PARM1: variants seen among roughly 807,000 people sequenced by gnomAD.
The protein encoded by PARM1 is prostate androgen-regulated mucin-like protein 1, also known as WSC4, cell wall integrity and stress response component 4 homolog.
A neutral mutation model predicts 24.6 loss-of-function variants in PARM1; 14 were observed. The observed-to-expected ratio is 0.57, with a 90% confidence interval of 0.38 to 0.89. The LOEUF is 0.89. Ranked by LOEUF, PARM1 falls within the 40% of genes least tolerant of loss-of-function variation. PARM1 has a pLI of 0.00. For synonymous variants in PARM1, 179 were observed against 156.6 expected, an observed-to-expected ratio of 1.14 and a Z score of -1.07; for missense variants, 362 against 380.4, an observed-to-expected ratio of 0.95 and a Z score of 0.40.
At chr4:74,987,041 T>A (rs1459014586) in intron 1 of PARM1, among the ~76,000 whole-genome samples, 2 of 152,236 alleles carry the variant, frequency 1.3e-5, no homozygotes, top group Non-Finnish European at 2.9e-5. Flanking sequence ...TTAATTGAAA[T>A]AGGACCTAAT....
intron 2 of PARM1, among the ~76,000 whole-genome samples, chr4:75,032,088 T>C (rs748082867): frequency 2.2e-4 from 34 of 152,282 alleles, no homozygotes; most frequent in Admixed American, 9.2e-4. Context: ...GTCTTTACAA[T>C]AGTAAAAAGG....
intron 1 of PARM1, among the ~76,000 whole-genome samples, chr4:74,981,019 G>T (rs538556047): frequency 2.0e-5 from 3 of 152,110 alleles, no homozygotes; most frequent in Non-Finnish European, 2.9e-5. Context: ...TTAGAAGAAA[G>T]TCTAGGCAAT....
At chr4:74,990,758 T>G (rs1396674514) in intron 1 of PARM1, among the ~76,000 whole-genome samples, 3 of 152,130 alleles carry the variant, frequency 2.0e-5, no homozygotes, top group Non-Finnish European at 2.9e-5. Context: ...GGCAAAATTT[T>G]TCACTTGAGT....
intron 1 of PARM1, among the ~76,000 whole-genome samples, chr4:74,961,493 C>A (rs1307825777): frequency 2.0e-5 from 3 of 151,960 alleles, no homozygotes; most frequent in Non-Finnish European, 4.4e-5. Flanking sequence ...TCAAAGAGAC[C>A]CACACCAAAG....
intron 1 of PARM1, among the ~76,000 whole-genome samples, chr4:74,958,692 G>T (rs1429231102): frequency 1.3e-5 from 2 of 152,134 alleles, no homozygotes; most frequent in Non-Finnish European, 2.9e-5. Flanking sequence ...CCCTAGCACT[G>T]CCATTTCTAG....
intron 1 of PARM1, among the ~76,000 whole-genome samples, chr4:74,946,911 T>A (rs888646157): frequency 2.6e-5 from 4 of 152,236 alleles, no homozygotes; most frequent in Non-Finnish European, 4.4e-5. Flanking sequence ...TCAAGTTTTT[T>A]AATTGATTTA....
chr4:75,017,717 T>C (rs1484915360), intron 2 of PARM1, among the ~76,000 whole-genome samples: 3 of 152,220 alleles, frequency 2.0e-5, no homozygotes, highest in African/African-American at 7.2e-5. Context: ...AGGACCTTGT[T>C]TGCAAATAGG....
At chr4:74,938,185 T>A (rs1476547017) in intron 1 of PARM1, among the ~76,000 whole-genome samples, 2 of 152,210 alleles carry the variant, frequency 1.3e-5, no homozygotes, top group Non-Finnish European at 2.9e-5. Context: ...TGTGCTTGTG[T>A]TTTCATGAGA....
At chr4:74,971,567 TAAC>T (rs745718594) in intron 1 of PARM1, among the ~76,000 whole-genome samples, 4 of 152,214 alleles carry the variant, frequency 2.6e-5, no homozygotes, top group African/African-American at 9.6e-5. Flanking sequence ...CTACATAAAA[TAAC>T]AAGTGTCTGA....
At chr4:74,978,503 A>G (rs965098006) in intron 1 of PARM1, among the ~76,000 whole-genome samples, 4 of 152,206 alleles carry the variant, frequency 2.6e-5, no homozygotes, top group Admixed American at 2.6e-4. Flanking sequence ...ACTCCCACAC[A>G]TAATAGTGGG....
At chr4:74,980,750 A>G (rs1264817770) in intron 1 of PARM1, among the ~76,000 whole-genome samples, 1 of 152,180 alleles carries the variant, frequency 6.6e-6, no homozygotes, top group East Asian at 1.9e-4. Flanking sequence ...TGGTACCAAA[A>G]CAGTACTGGT....
chr4:74,967,552 C>A (rs1721930378), intron 1 of PARM1: 1 of 152,210 alleles, frequency 6.6e-6, no homozygotes, highest in Admixed American at 6.5e-5. Flanking sequence ...TATAGTGGCA[C>A]ATCGGCTGGG....
At chr4:74,974,741 G>C (rs1051381705) in intron 1 of PARM1, among the ~76,000 whole-genome samples, 1 of 152,110 alleles carries the variant, frequency 6.6e-6, no homozygotes, top group African/African-American at 2.4e-5. Flanking sequence ...TCAATGTGAT[G>C]GTATTTGGAG....
chr4:74,958,573 C>G (rs1406540029), intron 1 of PARM1, among the ~76,000 whole-genome samples: 2 of 152,094 alleles, frequency 1.3e-5, no homozygotes, highest in Non-Finnish European at 2.9e-5. Context: ...ACAAGAAAGA[C>G]CGTGAGGAAT....
At chr4:74,941,410 G>A (rs1350879828) in intron 1 of PARM1, among the ~76,000 whole-genome samples, 6 of 152,166 alleles carry the variant, frequency 3.9e-5, no homozygotes, top group Non-Finnish European at 1.5e-5. Context: ...AATTACGGAG[G>A]AGAAGCTGGG....
intron 1 of PARM1, among the ~76,000 whole-genome samples, chr4:74,941,060 C>T (rs551789901): frequency 1.3e-5 from 2 of 152,334 alleles, no homozygotes; most frequent in African/African-American, 4.8e-5. Context: ...TGGTAGATCA[C>T]ACACTCTACT....
intron 3 of PARM1, among the ~76,000 whole-genome samples, chr4:75,041,078 T>C (rs1322339114): frequency 1.3e-5 from 2 of 152,226 alleles, no homozygotes; most frequent in African/African-American, 4.8e-5. Flanking sequence ...TTATTTACTG[T>C]GTCTCCCCAC....
chr4:74,970,350 C>G (rs1722002180), intron 1 of PARM1: 1 of 152,274 alleles, frequency 6.6e-6, no homozygotes, highest in East Asian at 1.9e-4. Context: ...TCCTTCTTTT[C>G]AAGTTTGAGG....
intron 2 of PARM1, among the ~76,000 whole-genome samples, chr4:75,016,088 C>T (rs1209895918): frequency 6.6e-6 from 1 of 152,096 alleles, no homozygotes; most frequent in Non-Finnish European, 1.5e-5. Context: ...AATTCTGAAA[C>T]AAGGTGAATA....
Sources: allele counts gnomAD v4.1 joint callset (sites outside exome capture counted in the v4.1 genomes callset), GRCh38; gene constraint gnomAD v4.1.1; transcripts MANE v1.5; gene names NCBI Gene and HGNC (gene_info 2026-07-23, HGNC 2026-07-21).